Variants in DAPK1 observed in about 807,000 individuals in gnomAD.
DAPK1 encodes death-associated protein kinase 1.
DAPK1 carries 56 observed loss-of-function variants against 144.9 expected under a neutral mutation model. The ratio of observed to expected loss-of-function variants is 0.39; its 90% CI spans 0.31 to 0.48. The LOEUF (loss-of-function observed/expected upper bound fraction) is 0.48. DAPK1 is among the 20% of genes least tolerant of loss of function. The pLI is 0.95. For missense variants in DAPK1, 1,454 were observed against 1,875.4 expected (o/e 0.78, Z 4.15); for synonymous variants, 690 against 749.0 (o/e 0.92, Z 1.29).
At chr9:87,684,111 G>A (rs749570275) in intron 20 of DAPK1, among the ~76,000 whole-genome samples, 3 of 152,254 alleles carry the variant, frequency 2.0e-5, no homozygotes, top group Non-Finnish European at 4.4e-5. Context: ...GCATCAGACA[G>A]CGCCCGGGAA....
At chr9:87,565,642 T>C (rs1827095173) in intron 2 of DAPK1, among the ~76,000 whole-genome samples, 1 of 152,194 alleles carries the variant, frequency 6.6e-6, no homozygotes, top group African/African-American at 2.4e-5. Context: ...GATGAGGAAC[T>C]CAAATCCGAC....
At chr9:87,651,480 A>G (rs751532861) in intron 16 of DAPK1, 47 bp from the exon 17 acceptor site, 4 of 1,593,590 alleles carry the variant, frequency 2.5e-6, no homozygotes, top group Non-Finnish European at 3.4e-6. Context: ...GACGGAGGCC[A>G]CATGCCCAAG....
At chr9:87,676,294 T>G (rs1385949166) in intron 19 of DAPK1, among the ~76,000 whole-genome samples, 1 of 152,200 alleles carries the variant, frequency 6.6e-6, no homozygotes, top group Non-Finnish European at 1.5e-5. Context: ...AATAAATCAG[T>G]CTTCCTAGCA....
intron 2 of DAPK1, among the ~76,000 whole-genome samples, chr9:87,583,691 A>G (rs185824182): frequency 1.3e-5 from 2 of 152,078 alleles, no homozygotes; most frequent in East Asian, 3.9e-4. Flanking sequence ...CTTCTCCTCT[A>G]CTGCACTGCT....
intron 2 of DAPK1, among the ~76,000 whole-genome samples, chr9:87,567,840 T>C (rs1043421267): frequency 6.6e-6 from 1 of 152,182 alleles, no homozygotes; most frequent in Admixed American, 6.5e-5. Context: ...GTTGAATGGA[T>C]TGGCTAGCGA....
chr9:87,575,097 G>A (rs1322772645), intron 2 of DAPK1, among the ~76,000 whole-genome samples: 2 of 151,400 alleles, frequency 1.3e-5, no homozygotes, highest in Non-Finnish European at 2.9e-5. Context: ...GTGTGCATCT[G>A]TAGTCCTAGC....
chr9:87,650,348 G>T, intron 16 of DAPK1: 1 of 505,452 alleles, frequency 2.0e-6, no homozygotes. Context: ...AATTGACTTT[G>T]GTCTCTAAAT....
intron 18 of DAPK1, among the ~76,000 whole-genome samples, chr9:87,661,444 A>G (rs920583555): frequency 6.6e-6 from 1 of 152,162 alleles, no homozygotes; most frequent in African/African-American, 2.4e-5. Flanking sequence ...CCCACCAACA[A>G]TGTATAAAAG....
chr9:87,639,317 A>G (rs1162063586), intron 4 of DAPK1, 37 bp from the exon 5 acceptor site: 3 of 1,557,274 alleles, frequency 1.9e-6, no homozygotes, highest in Admixed American at 4.1e-5. Flanking sequence ...AGCATAACAT[A>G]TCATAGCTTT....
chr9:87,545,462 A>G (rs1281877444), intron 2 of DAPK1, among the ~76,000 whole-genome samples: 2 of 152,202 alleles, frequency 1.3e-5, no homozygotes, highest in Non-Finnish European at 2.9e-5. Context: ...AAGGTACTAG[A>G]AGAAAATAGG....
intron 18 of DAPK1, chr9:87,667,703 C>CT (rs1248266137): frequency 2.3e-5 from 3 of 128,478 alleles, no homozygotes; most frequent in Non-Finnish European, 5.0e-5. Flanking sequence ...CAAATCCTTA[C>CT]TTTTTTATTA....
intron 2 of DAPK1, among the ~76,000 whole-genome samples, chr9:87,584,507 T>C (rs1193180781): frequency 6.6e-6 from 1 of 152,248 alleles, no homozygotes; most frequent in East Asian, 1.9e-4. Context: ...GTTCTATTTT[T>C]AATTCTTTGT....
intron 2 of DAPK1, among the ~76,000 whole-genome samples, chr9:87,564,362 C>G (rs115412459): frequency 0.017 from 2,576 of 152,240 alleles, 55 homozygotes; most frequent in African/African-American, 0.056. Context: ...AAATGACTCA[C>G]CACTTAAGGC....
At chr9:87,557,668 C>T (rs528687395) in intron 2 of DAPK1, among the ~76,000 whole-genome samples, 4 of 152,260 alleles carry the variant, frequency 2.6e-5, no homozygotes, top group East Asian at 3.9e-4. Flanking sequence ...TGGCAGGGCG[C>T]GGTAGCTTAT....
intron 18 of DAPK1, among the ~76,000 whole-genome samples, chr9:87,665,219 A>G (rs569776354): frequency 6.7e-6 from 1 of 150,306 alleles, no homozygotes; most frequent in East Asian, 2.0e-4. Flanking sequence ...TCTCCCCACT[A>G]GATTCTGGAT....
intron 2 of DAPK1, among the ~76,000 whole-genome samples, chr9:87,590,155 A>G (rs1262692486): frequency 6.6e-6 from 1 of 152,134 alleles, no homozygotes; most frequent in Non-Finnish European, 1.5e-5. Flanking sequence ...GAACATCAAT[A>G]TGGCTTCACG....
At chr9:87,684,941 C>T (rs1824784402) in intron 20 of DAPK1, among the ~76,000 whole-genome samples, 1 of 152,208 alleles carries the variant, frequency 6.6e-6, no homozygotes, top group African/African-American at 2.4e-5. Flanking sequence ...AACGTCTGCT[C>T]TCATTAAGCA....
At position 87,632,490 on chromosome 9, in the gene DAPK1, A is replaced by G. The variant is rs954153539; in HGVS notation, c.285-5453A>G. The G allele has an allele frequency of 5.1e-6, 5 of 980,454 alleles. No individual in the cohort carries two copies. The African/African-American group carries it at 8.8e-5, about 17-fold the overall frequency. The allele number at this position is 980,454 out of a possible 1,614,324, so 60.7% of individuals were successfully genotyped here. A position where few individuals can be genotyped will look rare whatever the true frequency, so the allele number is the denominator to read the frequency against. On this transcript the variant is annotated intron_variant, in intron 3 of 25. Transcript: ENST00000408954. Reference sequence around the variant, plus strand: ...TAGGAATGAAGGGTGATCAGTATATATGTAGGGATGAAGGAAGATGACAAT... The same window carrying G: ...TAGGAATGAAGGGTGATCAGTATATGTGTAGGGATGAAGGAAGATGACAAT...
chr9:87,535,764 C>T (rs4877364), intron 2 of DAPK1, among the ~76,000 whole-genome samples: 68,132 of 151,848 alleles, frequency 0.45, 15,547 homozygotes, highest in South Asian at 0.58. Flanking sequence ...AAGTAGGCAA[C>T]GGTATAGTAA....
Sources: gnomAD v4.1 joint callset for allele counts (sites outside exome capture counted in the v4.1 genomes callset) on GRCh38, gnomAD v4.1.1 for gene constraint, MANE v1.5 for transcripts, NCBI Gene and HGNC (gene_info 2026-07-23, HGNC 2026-07-21) for gene names.